The following ACTA1 variants were observed in gnomAD, a reference collection of about 807,000 sequenced individuals.
ACTA1 encodes actin alpha 1, skeletal muscle, also known as actin, alpha skeletal muscle.
A neutral mutation model predicts 35.8 loss-of-function variants in ACTA1; 25 were observed. That is an observed-to-expected ratio of 0.70 (90% CI 0.51 to 0.97). The LOEUF is 0.97. Among genes scored for constraint, ACTA1 ranks in the 50% least tolerant of loss-of-function variants. The pLI is 0.00. For missense variants in ACTA1, 174 were observed against 533.0 expected, an observed-to-expected ratio of 0.33 and a Z score of 6.63; for synonymous variants, 219 against 217.1, an observed-to-expected ratio of 1.01 and a Z score of -0.08.
At chr1:229,432,934 C>T in intron 2 of ACTA1, 53 bp downstream of exon 2, 1 of 1,613,978 alleles carries the variant, frequency 6.2e-7, no homozygotes, top group Admixed American at 1.7e-5. Flanking sequence ...TGGCACCAGG[C>T]TGGCTTACGC....
At chr1:229,433,181 A>G (rs1361878984) in intron 1 of ACTA1, 54 bp from the exon 2 acceptor site, 71 of 1,596,352 alleles carry the variant, frequency 4.4e-5, no homozygotes, top group Non-Finnish European at 5.9e-5. Flanking sequence ...CAGAAGTCTC[A>G]GCGGCAGGGG....
rs141030526 is a variant in ACTA1, at chr1:229,432,016, C to A, written c.786G>T (p.Thr262=). 6.2e-7 allele frequency: 1 copy of A among 1,611,058 alleles called. No homozygotes were observed. The highest frequency in any genetic ancestry group is 1.7e-5 in the Admixed American group (1 of 59,898). ...IGNERFRCPE[T]LFQPSFIGME... ...CACCGATGAAGGAGGGCTGGAAGAG[C>A]GTCTCCGGGCAGCGGAAGCGCTCGT... The change falls in exon 5 of 7, where the codon ACG becomes ACT. Residue 262 remains threonine, a synonymous_variant. Transcript: ENST00000366684.
At chr1:229,432,943 G>A (rs998778275) in intron 2 of ACTA1, 44 bp downstream of exon 2, 48 of 1,613,746 alleles carry the variant, frequency 3.0e-5, no homozygotes, top group Middle Eastern at 1.6e-4. Flanking sequence ...GCTGGCTTAC[G>A]CGGGGACCCC....
intron 1 of ACTA1, among the ~76,000 whole-genome samples, 178 bp from the exon 2 acceptor site, chr1:229,433,305 T>C (rs545348493): frequency 6.6e-6 from 1 of 152,268 alleles, no homozygotes; most frequent in Non-Finnish European, 1.5e-5. Context: ...TTCTCGACCT[T>C]TGCCCCGGCT....
chr1:229,432,940 T>G (rs1313248748), intron 2 of ACTA1, 47 bp downstream of exon 2: 2 of 1,613,832 alleles, frequency 1.2e-6, no homozygotes, highest in African/African-American at 2.7e-5. Context: ...CAGGCTGGCT[T>G]ACGCGGGGAC....
chr1:229,433,148 C>A (rs1248894170), intron 1 of ACTA1, 21 bp from the exon 2 acceptor site: 1 of 1,613,728 alleles, frequency 6.2e-7, no homozygotes, highest in Non-Finnish European at 8.5e-7. Flanking sequence ...AGGGAGACCG[C>A]GAAGAGGCGC....
intron 1 of ACTA1, 78 bp from the exon 2 acceptor site, chr1:229,433,205 C>G: frequency 6.3e-7 from 1 of 1,592,468 alleles, no homozygotes; most frequent in Non-Finnish European, 8.6e-7. Flanking sequence ...GTAAGCCTGG[C>G]TGGCCCCGAC....
At position 229,432,655 on chromosome 1, in the gene ACTA1, C is replaced by A. The variant is rs1261898076; in HGVS notation, c.355G>T (p.Glu119Ter). The change falls in exon 3 of 7, where the codon GAG becomes TAG. Residue 119 changes from glutamate to a stop codon, truncating the protein, a stop_gained. Coordinates refer to ENST00000366684, the MANE Select transcript of ACTA1 (RefSeq NM_001100.4). LOFTEE classifies it high-confidence loss of function. ...EAPLNPKANREKMTQIMFETF... is the reference protein window; with the variant it reads ...EAPLNPKANR ...TCAAACATGATCTGGGTCATCTTCT[C>A]GCGGTTGGCCTTGGGATTGAGGGGG... The A allele has an allele frequency of 6.2e-7, 1 of 1,614,054 alleles. No individual in the cohort carries two copies. The highest frequency in any genetic ancestry group is 2.2e-5 in the East Asian group (1 of 44,876).
chr1:229,432,178 G>T lies in ACTA1; in HGVS notation c.624C>A (p.Arg208=), dbSNP rs761653032. 1.2e-6 allele frequency: 2 copies of T among 1,613,440 alleles called. No homozygotes were observed. Among genetic ancestry groups the T allele is most frequent in the African/African-American group, 2.7e-5 (2 of 74,886 alleles). ...RGYSFVTTAE[R]EIVRDIKEKL... ...TCTCCTTGATGTCGCGCACGATCTC[G>T]CGCTCAGCTGCGGAGGGCAGAAGCA... Residue 208 remains arginine, a synonymous_variant, in exon 5 of 7, where the codon CGC becomes CGA. Coordinates refer to ENST00000366684, the MANE Select transcript of ACTA1 (RefSeq NM_001100.4).
Position 229,433,121 on chromosome 1 carries a change from C to A in ACTA1, c.-6G>T. 1.2e-6 allele frequency: 2 copies of A among 1,614,124 alleles called. No individual in the cohort carries two copies. Among genetic ancestry groups the A allele is most frequent in the Non-Finnish European group, 1.7e-6 (2 of 1,179,988 alleles). On this transcript the variant is annotated 5_prime_UTR_variant, in exon 2 of 7. Coordinates refer to ENST00000366684, the MANE Select transcript of ACTA1 (RefSeq NM_001100.4). ...GTCTCGTCTTCGTCGCACATTGTGT[C>A]TAGTTTCTGCAAGGACAGGGAGACC...
Position 229,432,405 on chromosome 1 carries a change from C to G in ACTA1, c.481G>C (p.Val161Leu). ...TGIVLDSGDG[V>L]THNVPIYEGY... is the part of the protein sequence containing the mutation. Reference sequence around the variant, plus strand: ...TCATAAATGGGCACGTTGTGGGTGACGCCGTCGCCGGAGTCCAGCACGATG... The same window carrying G: ...TCATAAATGGGCACGTTGTGGGTGAGGCCGTCGCCGGAGTCCAGCACGATG... The change falls in exon 4 of 7, where the codon GTC becomes CTC. Residue 161 changes from valine (V) to leucine (L), a missense_variant. Coordinates refer to ENST00000366684, the MANE Select transcript of ACTA1 (RefSeq NM_001100.4). 6.2e-7 allele frequency: 1 copy of G among 1,612,406 alleles called. No individual in the cohort carries two copies. The highest frequency in any genetic ancestry group is 1.1e-5 in the South Asian group (1 of 91,030).
rs74897770 is a variant in ACTA1 at position 229,431,637 on chromosome 1, G to T, written c.996C>A (p.Ile332=). 5,231 of 1,613,834 alleles carry T rather than the reference G, an allele frequency of 3.2e-3. 164 individuals are homozygous for T. In the African/African-American group the frequency reaches 0.063, roughly 19 times the overall value. Residue 332 remains isoleucine, a synonymous_variant, in exon 7 of 7, where the codon ATC becomes ATA. Transcript: ENST00000366684. This position sits in a 1 kb window ranked among gnomAD's most constrained non-coding sequence, Gnocchi z 7.1. ...CCGAGTATTTGCGCTCCGGCGGGGC[G>T]ATGATCTGCAAGACAGCGCGTGAGG... ...LAPSTMKIKI[I]APPERKYSVW... is the part of the protein sequence containing the mutation.
chr1:229,431,356 C>G lies in ACTA1; in HGVS notation c.*143G>C, dbSNP rs1013794215. 1.2e-5 allele frequency: 13 copies of G among 1,115,296 alleles called. No homozygotes were observed. Among genetic ancestry groups the G allele is most frequent in the Non-Finnish European group, 9.5e-6 (7 of 738,210 alleles). 69.1% of individuals were successfully genotyped at this position (1,115,296 alleles called of 1,614,324 possible). ...GAGGTAATAAGTTAATGTATGTACACGTTATAAACACTGTGTCAGTTTACG... is the reference window on the plus strand; with the variant it reads ...GAGGTAATAAGTTAATGTATGTACAGGTTATAAACACTGTGTCAGTTTACG... On this transcript the variant is annotated 3_prime_UTR_variant, in exon 7 of 7. Transcript: ENST00000366684. This position sits in a 1 kb window ranked among gnomAD's most constrained non-coding sequence, Gnocchi z 7.1.
chr1:229,433,355 G>T (rs1255529915), intron 1 of ACTA1, among the ~76,000 whole-genome samples: 2 of 152,168 alleles, frequency 1.3e-5, no homozygotes, highest in Non-Finnish European at 2.9e-5. Flanking sequence ...ACAGGGTCGC[G>T]AGACCCCACT....
At position 229,433,122 on chromosome 1, in the gene ACTA1, T is replaced by C. The variant is rs1659988918; in HGVS notation, c.-7A>G. The stretch of plus-strand genomic sequence containing the variant: ...TCTCGTCTTCGTCGCACATTGTGTC[T>C]AGTTTCTGCAAGGACAGGGAGACCG... On this transcript the variant is annotated 5_prime_UTR_variant, in exon 2 of 7. Coordinates refer to ENST00000366684, the MANE Select transcript of ACTA1 (RefSeq NM_001100.4). 4 of 1,614,044 alleles carry C rather than the reference T, an allele frequency of 2.5e-6. No individual in the cohort carries two copies. The highest frequency in any genetic ancestry group is 2.5e-6 in the Non-Finnish European group (3 of 1,179,980).
chr1:229,431,504 A>G lies in ACTA1; in HGVS notation c.1129T>C (p.Phe377Leu). 6.2e-7 allele frequency: 1 copy of G among 1,613,100 alleles called. No homozygotes were observed. Among genetic ancestry groups the G allele is most frequent in the Non-Finnish European group, 8.5e-7 (1 of 1,180,008 alleles). The change falls in exon 7 of 7, where the codon TTC becomes CTC. Residue 377 changes from phenylalanine to leucine, a missense_variant. Coordinates refer to ENST00000366684, the MANE Select transcript of ACTA1 (RefSeq NM_001100.4). The surrounding 1 kb of genome is among the most constrained non-coding windows in gnomAD (Gnocchi z 7.1). Reference sequence around the variant, plus strand: ...GTGCTGGAGGTGGAGTGTGTCTAGAAGCATTTGCGGTGGACGATGGAAGGG... The same window carrying G: ...GTGCTGGAGGTGGAGTGTGTCTAGAGGCATTTGCGGTGGACGATGGAAGGG... ...AGPSIVHRKC[F>L]
intron 3 of ACTA1, 59 bp downstream of exon 3, chr1:229,432,497 G>A: frequency 1.4e-6 from 2 of 1,428,160 alleles, no homozygotes; most frequent in Non-Finnish European, 1.9e-6. Context: ...CAGCGCTAGC[G>A]GCGGGGGCGG....
Position 229,432,261 on chromosome 1 carries a change from G to A in ACTA1, c.616+9C>T. The A allele has an allele frequency of 1.2e-6, 2 of 1,613,520 alleles. No homozygotes were observed. The highest frequency in any genetic ancestry group is 1.7e-6 in the Non-Finnish European group (2 of 1,179,716). The stretch of plus-strand genomic sequence containing the variant: ...GCCCTCCCGCCCGGGGTGCAGGGGC[G>A]CCGCGCACCTGTGGTCACGAAGGAG... On this transcript the variant is annotated intron_variant, in intron 4 of 6. Transcript: ENST00000366684.
At chr1:229,433,191 G>GT in intron 1 of ACTA1, 64 bp from the exon 2 acceptor site, 1 of 1,609,050 alleles carries the variant, frequency 6.2e-7, no homozygotes, top group Admixed American at 1.7e-5. Context: ...AGCGGCAGGG[G>GT]GGGGTAAGCC....
Sources: allele counts gnomAD v4.1 joint callset (sites outside exome capture counted in the v4.1 genomes callset), GRCh38; gene constraint gnomAD v4.1.1; non-coding constraint Gnocchi (gnomAD v3.1); transcripts MANE v1.5; gene names NCBI Gene and HGNC (gene_info 2026-07-23, HGNC 2026-07-21).